Variants in TAFA1 observed in about 807,000 individuals in gnomAD.
TAFA1 encodes the protein TAFA chemokine like family member 1.
A neutral mutation model predicts 18.5 loss-of-function variants in TAFA1; 4 were observed. The observed-to-expected ratio is 0.22, with a 90% CI of 0.11 to 0.49. The LOEUF is 0.49. Ranked by LOEUF, TAFA1 falls within the 20% of genes least tolerant of loss-of-function variation. TAFA1 has a pLI of 0.98. For missense variants in TAFA1, 147 were observed against 169.0 expected (o/e 0.87, Z 0.72); for synonymous variants, 56 against 55.2 (o/e 1.01, Z -0.06).
intron 2 of TAFA1, among the ~76,000 whole-genome samples, chr3:68,273,300 C>A (rs2313273): frequency 6.6e-6 from 1 of 152,006 alleles, no homozygotes; most frequent in Non-Finnish European, 1.5e-5. Context: ...TAAACTTTAG[C>A]AAGTCGGGGA....
chr3:68,007,033 C>T (rs568512435), intron 2 of TAFA1, among the ~76,000 whole-genome samples: 2 of 152,302 alleles, frequency 1.3e-5, no homozygotes, highest in African/African-American at 4.8e-5. Flanking sequence ...TGGCCAATAG[C>T]AGAATATTCT....
chr3:68,322,850 G>A (rs530231148), intron 2 of TAFA1, among the ~76,000 whole-genome samples: 126 of 152,278 alleles, frequency 8.3e-4, no homozygotes, highest in African/African-American at 2.9e-3. Context: ...GGCTGAGACA[G>A]AAGAATCTCT....
At chr3:68,086,022 C>G (rs758452230) in intron 2 of TAFA1, among the ~76,000 whole-genome samples, 25 of 152,196 alleles carry the variant, frequency 1.6e-4, no homozygotes, top group Non-Finnish European at 3.5e-4. Context: ...GCCCACGATT[C>G]TCCCCTCTGC....
chr3:68,209,341 A>G (rs1469709760), intron 2 of TAFA1, among the ~76,000 whole-genome samples: 1 of 152,036 alleles, frequency 6.6e-6, no homozygotes, highest in African/African-American at 2.4e-5. Context: ...CAGCAATAGA[A>G]AACTAATACA....
At chr3:68,534,560 G>A (rs1272519546) in intron 3 of TAFA1, among the ~76,000 whole-genome samples, 1 of 152,096 alleles carries the variant, frequency 6.6e-6, no homozygotes, top group African/African-American at 2.4e-5. Flanking sequence ...AAGCCAAAGG[G>A]TAAAGCAAAT....
intron 2 of TAFA1, among the ~76,000 whole-genome samples, chr3:68,050,910 C>T (rs900363973): frequency 2.0e-5 from 3 of 152,174 alleles, no homozygotes; most frequent in East Asian, 3.9e-4. Context: ...ATTTGACCCA[C>T]CAGCCACTGT....
At chr3:68,168,129 G>A (rs1241886451) in intron 2 of TAFA1, among the ~76,000 whole-genome samples, 1 of 83,996 alleles carries the variant, frequency 1.2e-5, no homozygotes, top group Non-Finnish European at 2.3e-5. Context: ...GTCCTAATAA[G>A]CTTCTTTTCA....
At chr3:68,156,437 T>C (rs2065867441) in intron 2 of TAFA1, among the ~76,000 whole-genome samples, 1 of 152,150 alleles carries the variant, frequency 6.6e-6, no homozygotes, top group Non-Finnish European at 1.5e-5. Flanking sequence ...TTCTCCTGGG[T>C]CTGCTTCTTA....
At position 68,373,413 on chromosome 3, in the gene TAFA1, A is replaced by G. The variant is rs938119828; in HGVS notation, c.119-43867A>G. On this transcript the variant is annotated intron_variant, in intron 2 of 4. Coordinates refer to ENST00000478136, the MANE Select transcript of TAFA1 (RefSeq NM_213609.4). ...AAAAGTGAGATTTGAACATGTGGTT[A>G]TTTAACCCTAAAAACTTACTCTTTC... is the stretch of plus-strand genomic sequence containing the variant. 1.2e-4 allele frequency among the ~76,000 whole-genome samples: 18 copies of G among 152,200 alleles called. 1 individual carries two copies. The highest frequency in any genetic ancestry group is 7.7e-4 in the East Asian group (4 of 5,192).
At chr3:68,020,595 T>A (rs1478560231) in intron 2 of TAFA1, among the ~76,000 whole-genome samples, 3 of 152,160 alleles carry the variant, frequency 2.0e-5, no homozygotes, top group Non-Finnish European at 4.4e-5. Context: ...ACAGATAAAC[T>A]GCCTACTACT....
intron 2 of TAFA1, among the ~76,000 whole-genome samples, chr3:68,116,204 G>A (rs553735776): frequency 6.6e-6 from 1 of 152,244 alleles, no homozygotes; most frequent in East Asian, 1.9e-4. Context: ...GCAGTGAGCC[G>A]AGATCGCGCC....
At chr3:68,164,266 T>C (rs2065957635) in intron 2 of TAFA1, among the ~76,000 whole-genome samples, 2 of 152,238 alleles carry the variant, frequency 1.3e-5, no homozygotes, top group East Asian at 1.9e-4. Context: ...CTGAATGGTA[T>C]TTTTTCAAAC....
At chr3:68,288,341 G>A (rs1288739713) in intron 2 of TAFA1, among the ~76,000 whole-genome samples, 1 of 151,044 alleles carries the variant, frequency 6.6e-6, no homozygotes, top group Non-Finnish European at 1.5e-5. Flanking sequence ...GCTATCCTTG[G>A]GCTTGTATTT....
chr3:68,273,245 G>A (rs1388156974), intron 2 of TAFA1, among the ~76,000 whole-genome samples: 1 of 152,198 alleles, frequency 6.6e-6, no homozygotes, highest in South Asian at 2.1e-4. Flanking sequence ...CAAGTGCAAA[G>A]CCCCTGGGGT....
chr3:68,513,807 A>C (rs1352592082), intron 3 of TAFA1, among the ~76,000 whole-genome samples: 2 of 152,224 alleles, frequency 1.3e-5, no homozygotes, highest in Admixed American at 1.3e-4. Flanking sequence ...GATAGTTTTG[A>C]CTACCATACT....
At chr3:68,102,657 G>C (rs1418399724) in intron 2 of TAFA1, among the ~76,000 whole-genome samples, 3 of 152,158 alleles carry the variant, frequency 2.0e-5, no homozygotes, top group Non-Finnish European at 4.4e-5. Context: ...TAAGTAGATA[G>C]GAAAAAGATG....
At chr3:68,487,717 A>T (rs891338268) in intron 3 of TAFA1, among the ~76,000 whole-genome samples, 2 of 145,872 alleles carry the variant, frequency 1.4e-5, no homozygotes, top group Admixed American at 7.2e-5. Context: ...GCGCCACTGC[A>T]CTCCAGCCTG....
intron 2 of TAFA1, among the ~76,000 whole-genome samples, chr3:68,134,912 A>G (rs776335059): frequency 6.6e-6 from 1 of 152,210 alleles, no homozygotes; most frequent in Non-Finnish European, 1.5e-5. Context: ...ATAGTGGCTT[A>G]AATAAGATAG....
chr3:68,278,791 G>T (rs565473650), intron 2 of TAFA1, among the ~76,000 whole-genome samples: 2 of 151,988 alleles, frequency 1.3e-5, no homozygotes, highest in Non-Finnish European at 2.9e-5. Context: ...CCATAGATTC[G>T]CATTCAGTAG....
Sources: gnomAD v4.1 joint callset for allele counts (sites outside exome capture counted in the v4.1 genomes callset) on GRCh38, gnomAD v4.1.1 for gene constraint, MANE v1.5 for transcripts, NCBI Gene and HGNC (gene_info 2026-07-23, HGNC 2026-07-21) for gene names.